The following FOXP2 variants were observed in gnomAD, a reference collection of about 807,000 sequenced individuals.
The protein encoded by FOXP2 is forkhead box protein P2.
FOXP2 carries 12 observed loss-of-function variants against 115.8 expected under a neutral mutation model. That is an observed-to-expected ratio of 0.10 (90% CI 0.07 to 0.17). The LOEUF is 0.17. FOXP2 is among the 10% of genes least tolerant of loss of function. FOXP2 has a pLI of 1.00. For synonymous variants in FOXP2, 328 were observed against 297.7 expected, an observed-to-expected ratio of 1.10 and a Z score of -1.05; for missense variants, 629 against 843.5, an observed-to-expected ratio of 0.75 and a Z score of 3.15.
At chr7:114,216,500 T>C (rs1349865896) in intron 1 of FOXP2, among the ~76,000 whole-genome samples, 1 of 152,168 alleles carries the variant, frequency 6.6e-6, no homozygotes, top group African/African-American at 2.4e-5. Context: ...AGATTTTGTA[T>C]TATGTTTACA....
intron 1 of FOXP2, among the ~76,000 whole-genome samples, chr7:114,114,305 C>A (rs1183314835): frequency 6.6e-6 from 1 of 150,592 alleles, no homozygotes; most frequent in Non-Finnish European, 1.5e-5. Flanking sequence ...ATATAATATT[C>A]TTTAGGAAAG....
intron 1 of FOXP2, among the ~76,000 whole-genome samples, chr7:114,155,422 A>G (rs1241331105): frequency 6.6e-6 from 1 of 152,154 alleles, no homozygotes; most frequent in Non-Finnish European, 1.5e-5. Context: ...CACATGACAG[A>G]TAGCAGACCC....
chr7:114,647,837 T>C (rs1805999955), intron 8 of FOXP2, among the ~76,000 whole-genome samples: 1 of 151,994 alleles, frequency 6.6e-6, no homozygotes, highest in Admixed American at 6.6e-5. Context: ...AGGTTTACAA[T>C]ATAACATTCC....
chr7:114,457,815 G>A (rs948726486), intron 2 of FOXP2, among the ~76,000 whole-genome samples: 8 of 150,980 alleles, frequency 5.3e-5, no homozygotes, highest in African/African-American at 9.7e-5. Flanking sequence ...GGAGACTGGC[G>A]TGAACCCAGG....
At chr7:114,647,923 GA>G (rs1465584381) in intron 8 of FOXP2, among the ~76,000 whole-genome samples, 1 of 151,988 alleles carries the variant, frequency 6.6e-6, no homozygotes, top group Non-Finnish European at 1.5e-5. Flanking sequence ...TACAAAGGTG[GA>G]AATACTCTCC....
At chr7:114,450,853 G>T (rs1795042770) in intron 2 of FOXP2, among the ~76,000 whole-genome samples, 1 of 151,840 alleles carries the variant, frequency 6.6e-6, no homozygotes, top group African/African-American at 2.4e-5. Flanking sequence ...AAATATTCAG[G>T]AATCATATTA....
intron 2 of FOXP2, among the ~76,000 whole-genome samples, chr7:114,300,657 A>G (rs2129178249): frequency 6.6e-6 from 1 of 152,160 alleles, no homozygotes; most frequent in Non-Finnish European, 1.5e-5. Flanking sequence ...ACGATTTAAT[A>G]TATCTTTTCT....
intron 2 of FOXP2, among the ~76,000 whole-genome samples, chr7:114,474,541 T>C (rs1384253077): frequency 6.6e-6 from 1 of 152,172 alleles, no homozygotes; most frequent in Non-Finnish European, 1.5e-5. Flanking sequence ...TTTATTTTTA[T>C]TGATTTTAAA....
chr7:114,281,744 G>T (rs1212763383), intron 1 of FOXP2, among the ~76,000 whole-genome samples: 1 of 151,964 alleles, frequency 6.6e-6, no homozygotes, highest in Non-Finnish European at 1.5e-5. Flanking sequence ...TCCTATTCTT[G>T]AATAAATATG....
chr7:114,496,067 T>A (rs1266254935), intron 2 of FOXP2, among the ~76,000 whole-genome samples: 1 of 152,170 alleles, frequency 6.6e-6, no homozygotes, highest in African/African-American at 2.4e-5. Context: ...TGTCAATGGA[T>A]TTGAATAGCA....
intron 1 of FOXP2, among the ~76,000 whole-genome samples, chr7:114,114,704 C>G (rs1017825594): frequency 6.6e-6 from 1 of 152,088 alleles, no homozygotes; most frequent in African/African-American, 2.4e-5. Context: ...TTGTATTTCT[C>G]TATGATAGCT....
At chr7:114,128,964 A>G (rs1791799823) in intron 1 of FOXP2, among the ~76,000 whole-genome samples, 1 of 152,102 alleles carries the variant, frequency 6.6e-6, no homozygotes, top group Non-Finnish European at 1.5e-5. Flanking sequence ...ATTAGGACAT[A>G]AAAAACACTC....
At chr7:114,292,690 A>G (rs76939722) in intron 2 of FOXP2, among the ~76,000 whole-genome samples, 2 of 151,984 alleles carry the variant, frequency 1.3e-5, no homozygotes, top group Admixed American at 6.6e-5. Context: ...CTTTTTCTGC[A>G]TAGTATCTTA....
At chr7:114,459,658 C>G (rs1295741903) in intron 2 of FOXP2, among the ~76,000 whole-genome samples, 1 of 152,194 alleles carries the variant, frequency 6.6e-6, no homozygotes, top group Non-Finnish European at 1.5e-5. Flanking sequence ...CTCAGCCGCC[C>G]AGGCTGGAAT....
chr7:114,590,154 C>CAA (rs143390791), intron 3 of FOXP2, among the ~76,000 whole-genome samples: 71 of 152,020 alleles, frequency 4.7e-4, no homozygotes, highest in Middle Eastern at 3.4e-3. Context: ...TACAGAGTTG[C>CAA]AAAAAAAGTT....
At chr7:114,335,110 A>G (rs373479318) in intron 2 of FOXP2, among the ~76,000 whole-genome samples, 1 of 151,192 alleles carries the variant, frequency 6.6e-6, no homozygotes. Context: ...GAACTCCTTT[A>G]TTTGTATAGT....
chr7:114,223,366 TTTTA>T, intron 1 of FOXP2, among the ~76,000 whole-genome samples: 1 of 151,738 alleles, frequency 6.6e-6, no homozygotes, highest in South Asian at 2.1e-4. Flanking sequence ...TTGATCAGCT[TTTTA>T]TTTGTTTGTT....
At chr7:114,471,969 A>AC (rs1343273872) in intron 2 of FOXP2, among the ~76,000 whole-genome samples, 1 of 151,940 alleles carries the variant, frequency 6.6e-6, no homozygotes, top group East Asian at 1.9e-4. Context: ...CAGGAAAAAA[A>AC]AAAAAAAAAG....
At chr7:114,478,566 T>C (rs1379457772) in intron 2 of FOXP2, among the ~76,000 whole-genome samples, 1 of 151,790 alleles carries the variant, frequency 6.6e-6, no homozygotes, top group African/African-American at 2.4e-5. Flanking sequence ...ACACCACATT[T>C]GTGGTTTTAA....
Sources: gnomAD v4.1 joint callset for allele counts (sites outside exome capture counted in the v4.1 genomes callset) on GRCh38, gnomAD v4.1.1 for gene constraint, MANE v1.5 for transcripts, NCBI Gene and HGNC (gene_info 2026-07-23, HGNC 2026-07-21) for gene names.